Variants in TMEM140 observed in about 807,000 individuals in gnomAD.
TMEM140 encodes transmembrane protein 140.
For missense variants in TMEM140, 236 were observed against 228.5 expected (o/e 1.03, Z -0.21); for synonymous variants, 107 against 106.8 (o/e 1.00, Z -0.01).
At chr7:135,160,749 A>C (rs1050380205) in intron 1 of TMEM140, among the ~76,000 whole-genome samples, 1 of 149,438 alleles carries the variant, frequency 6.7e-6, no homozygotes, top group East Asian at 2.0e-4. Flanking sequence ...AAAAAAAAAC[A>C]AAAAAAAGAG....
At chr7:135,159,157 T>G (rs1829866918) in intron 1 of TMEM140, among the ~76,000 whole-genome samples, 1 of 152,246 alleles carries the variant, frequency 6.6e-6, no homozygotes, top group Admixed American at 6.5e-5. Flanking sequence ...TTACTTCTCA[T>G]GTTTCCCATA....
intron 1 of TMEM140, among the ~76,000 whole-genome samples, chr7:135,150,611 A>G (rs1829645811): frequency 6.6e-6 from 1 of 152,192 alleles, no homozygotes; most frequent in South Asian, 2.1e-4. Flanking sequence ...AAAACTAACC[A>G]TTGACAGCCA....
intron 1 of TMEM140, among the ~76,000 whole-genome samples, chr7:135,163,136 C>T (rs11970825): frequency 0.48 from 73,496 of 152,002 alleles, 18,063 homozygotes; most frequent in South Asian, 0.65. Flanking sequence ...AATGGATGAT[C>T]CCACATGAAC....
At chr7:135,149,576 A>T (rs1225253087) in intron 1 of TMEM140, among the ~76,000 whole-genome samples, 1 of 152,184 alleles carries the variant, frequency 6.6e-6, no homozygotes, top group Admixed American at 6.5e-5. Context: ...GACTATTTTT[A>T]GGGTTTTTAA....
At chr7:135,149,778 T>C (rs1241035948) in intron 1 of TMEM140, among the ~76,000 whole-genome samples, 1 of 152,240 alleles carries the variant, frequency 6.6e-6, no homozygotes, top group Non-Finnish European at 1.5e-5. Flanking sequence ...TTTTTTTTCA[T>C]GTTAGTTAAC....
At chr7:135,154,983 T>C (rs1431353745) in intron 1 of TMEM140, among the ~76,000 whole-genome samples, 1 of 152,200 alleles carries the variant, frequency 6.6e-6, no homozygotes, top group Non-Finnish European at 1.5e-5. Context: ...CCTCTTTCTT[T>C]AGTGATATTT....
intron 1 of TMEM140, among the ~76,000 whole-genome samples, chr7:135,158,704 AAAG>A (rs3039058): frequency 0.48 from 72,364 of 151,664 alleles, 17,561 homozygotes; most frequent in South Asian, 0.65. Flanking sequence ...GCAGTGTGGA[AAAG>A]AAGCTGTGGG....
rs546553129 is a variant in TMEM140 at position 135,151,553 on chromosome 7, C to A, written c.-25+3283C>A. 1.1e-3 allele frequency among the ~76,000 whole-genome samples: 163 copies of A among 152,318 alleles called. No homozygotes were observed. Among genetic ancestry groups the A allele is most frequent in the African/African-American group, 3.9e-3 (161 of 41,568 alleles). On this transcript the variant is annotated intron_variant, in intron 1 of 1. Coordinates refer to ENST00000275767, the MANE Select transcript of TMEM140 (RefSeq NM_018295.5). This position sits in a 1 kb window ranked among gnomAD's most constrained non-coding sequence, Gnocchi z 4.3. Reference sequence around the variant, plus strand: ...CTCCTCTCTCCATTCAGGCGACACACCCAACCATGTCTACCTGACTCTCCG... The same window carrying A: ...CTCCTCTCTCCATTCAGGCGACACAACCAACCATGTCTACCTGACTCTCCG...
intron 1 of TMEM140, among the ~76,000 whole-genome samples, chr7:135,162,349 T>C (rs1047964719): frequency 1.3e-5 from 2 of 152,228 alleles, no homozygotes; most frequent in African/African-American, 2.4e-5. Flanking sequence ...TTTGGTATCA[T>C]GGCCCCAGTA....
intron 1 of TMEM140, among the ~76,000 whole-genome samples, chr7:135,149,982 A>G (rs1011093646): frequency 2.0e-5 from 3 of 152,186 alleles, no homozygotes; most frequent in African/African-American, 7.2e-5. Context: ...TCTTTATTTT[A>G]GAATAGTTAA....
chr7:135,163,632 G>A (rs1401312854), intron 1 of TMEM140, among the ~76,000 whole-genome samples: 1 of 152,186 alleles, frequency 6.6e-6, no homozygotes, highest in Non-Finnish European at 1.5e-5. Flanking sequence ...GTGACAGAGT[G>A]AGGCTCCATC....
intron 1 of TMEM140, among the ~76,000 whole-genome samples, chr7:135,164,039 C>T (rs915334449): frequency 2.0e-5 from 3 of 152,226 alleles, no homozygotes; most frequent in Admixed American, 2.0e-4. Flanking sequence ...GTGGGCCTTG[C>T]CCTTCACCTC....
At chr7:135,160,438 C>T (rs1364417932) in intron 1 of TMEM140, among the ~76,000 whole-genome samples, 2 of 152,140 alleles carry the variant, frequency 1.3e-5, no homozygotes, top group African/African-American at 4.8e-5. Flanking sequence ...AGGGAAGGCC[C>T]ATGGGGAAGT....
chr7:135,158,116 T>G (rs1038403524), intron 1 of TMEM140, among the ~76,000 whole-genome samples: 7 of 152,100 alleles, frequency 4.6e-5, no homozygotes, highest in African/African-American at 1.7e-4. Flanking sequence ...AGCAAGAAGG[T>G]GGGGCACAGC....
At position 135,164,538 on chromosome 7, in the gene TMEM140, C is replaced by G. The variant is rs1189432885; in HGVS notation, c.97C>G (p.Leu33Val). Residue 33 changes from leucine to valine, a missense_variant, in exon 2 of 2, where the codon CTC becomes GTC. Coordinates refer to ENST00000275767, the MANE Select transcript of TMEM140 (RefSeq NM_018295.5). Reference sequence around the variant, plus strand: ...CATCTGCCTGATGTTTTACGCTCTTCTCTGGGAGGCTGGCAACCTCACTGA... The same window carrying G: ...CATCTGCCTGATGTTTTACGCTCTTGTCTGGGAGGCTGGCAACCTCACTGA... ...VVICLMFYAL[L>V]WEAGNLTDLP... 8.7e-6 allele frequency: 14 copies of G among 1,614,088 alleles called. No individual in the cohort carries two copies. The highest frequency in any genetic ancestry group is 1.3e-5 in the African/African-American group (1 of 74,952).
At chr7:135,148,328 C>T (rs1428817943) in intron 1 of TMEM140, 58 bp downstream of exon 1, 3 of 333,870 alleles carry the variant, frequency 9.0e-6, no homozygotes, top group African/African-American at 6.5e-5. Flanking sequence ...CCTTGTAAGA[C>T]AATTTTGTTT....
chr7:135,166,118 G>A lies in TMEM140; in HGVS notation c.*1119G>A, dbSNP rs1436809766. 1 of 152,812 alleles carries A rather than the reference G, an allele frequency of 6.5e-6. No homozygotes were observed. Among genetic ancestry groups the A allele is most frequent in the African/African-American group, 2.4e-5 (1 of 41,460 alleles). 9.5% of individuals were successfully genotyped at this position (152,812 alleles called of 1,614,324 possible). On this transcript the variant is annotated 3_prime_UTR_variant, in exon 2 of 2. Coordinates refer to ENST00000275767, the MANE Select transcript of TMEM140 (RefSeq NM_018295.5). Reference sequence around the variant, plus strand: ...TGCTTTCTAGGCTGGCTGGAGAGGTGGGAGCTCATTGATAGACTCATGATG... The same window carrying A: ...TGCTTTCTAGGCTGGCTGGAGAGGTAGGAGCTCATTGATAGACTCATGATG...
At chr7:135,153,323 A>T (rs1046628500) in intron 1 of TMEM140, among the ~76,000 whole-genome samples, 1 of 151,938 alleles carries the variant, frequency 6.6e-6, no homozygotes, top group Non-Finnish European at 1.5e-5. Flanking sequence ...GCATGGTGTC[A>T]CGCACCTGTA....
At chr7:135,157,059 T>TA (rs1444069544) in intron 1 of TMEM140, among the ~76,000 whole-genome samples, 2 of 152,226 alleles carry the variant, frequency 1.3e-5, no homozygotes, top group Non-Finnish European at 2.9e-5. Flanking sequence ...TAAGTCCAAT[T>TA]AAACCTCTTT....
Sources: allele counts gnomAD v4.1 joint callset (sites outside exome capture counted in the v4.1 genomes callset), GRCh38; gene constraint gnomAD v4.1.1; non-coding constraint Gnocchi (gnomAD v3.1); transcripts MANE v1.5; gene names NCBI Gene and HGNC (gene_info 2026-07-23, HGNC 2026-07-21).